PTPRT: variants seen among roughly 807,000 people sequenced by gnomAD.
PTPRT encodes receptor-type tyrosine-protein phosphatase T.
PTPRT carries 56 observed loss-of-function variants against 176.8 expected under a neutral mutation model. The ratio of observed to expected loss-of-function variants is 0.32; its 90% CI spans 0.26 to 0.40. The LOEUF is 0.40. PTPRT is among the 10% of genes least tolerant of loss of function. PTPRT has a pLI of 1.00. For missense variants in PTPRT, 1,540 were observed against 1,908.2 expected, an observed-to-expected ratio of 0.81 and a Z score of 3.60; for synonymous variants, 783 against 739.0, an observed-to-expected ratio of 1.06 and a Z score of -0.96.
At chr20:42,881,933 A>G (rs529019273) in intron 2 of PTPRT, among the ~76,000 whole-genome samples, 46 of 152,216 alleles carry the variant, frequency 3.0e-4, no homozygotes, top group African/African-American at 1.1e-3. Context: ...GGGCCCAAAG[A>G]AGACATTGGA....
At chr20:43,051,827 T>G (rs1235631654) in intron 1 of PTPRT, among the ~76,000 whole-genome samples, 1 of 152,072 alleles carries the variant, frequency 6.6e-6, no homozygotes, top group Non-Finnish European at 1.5e-5. Flanking sequence ...GCGAGGTAGA[T>G]AAGTAAAATC....
intron 6 of PTPRT, among the ~76,000 whole-genome samples, chr20:42,720,790 A>G (rs1428805614): frequency 6.6e-6 from 1 of 152,192 alleles, no homozygotes; most frequent in Non-Finnish European, 1.5e-5. Flanking sequence ...TTTTGTCAGA[A>G]TTGCTTGTCA....
chr20:43,028,004 A>G (rs1392784554), intron 1 of PTPRT, among the ~76,000 whole-genome samples: 1 of 152,012 alleles, frequency 6.6e-6, no homozygotes, highest in African/African-American at 2.4e-5. Flanking sequence ...GAAGCGAAAG[A>G]CCCTTCCCTG....
At chr20:42,664,106 T>C (rs944116044) in intron 7 of PTPRT, among the ~76,000 whole-genome samples, 1 of 152,236 alleles carries the variant, frequency 6.6e-6, no homozygotes, top group East Asian at 1.9e-4. Flanking sequence ...TATAGGTAGG[T>C]AATATGATAG....
At chr20:43,087,158 A>G (rs893333014) in intron 1 of PTPRT, among the ~76,000 whole-genome samples, 3 of 152,008 alleles carry the variant, frequency 2.0e-5, no homozygotes, top group African/African-American at 4.8e-5. Flanking sequence ...TTCTGTCTCT[A>G]TAGTTTTTTC....
intron 2 of PTPRT, among the ~76,000 whole-genome samples, chr20:42,869,791 T>C (rs1287727093): frequency 1.3e-5 from 2 of 152,210 alleles, no homozygotes; most frequent in Non-Finnish European, 2.9e-5. Context: ...TAAGTGCAGG[T>C]GTACCTGCAA....
intron 7 of PTPRT, among the ~76,000 whole-genome samples, chr20:42,519,673 T>A (rs192802190): frequency 4.3e-4 from 66 of 152,264 alleles, no homozygotes; most frequent in Middle Eastern, 3.4e-3. Flanking sequence ...ATGTTTTGAA[T>A]TAATTGAGTC....
intron 1 of PTPRT, among the ~76,000 whole-genome samples, chr20:43,011,284 G>A (rs1985108353): frequency 1.3e-5 from 2 of 152,142 alleles, no homozygotes; most frequent in Non-Finnish European, 2.9e-5. Context: ...AGTCTGTCCT[G>A]TCTCCTGAAT....
chr20:42,868,619 G>A (rs1178631959), intron 2 of PTPRT, among the ~76,000 whole-genome samples: 2 of 152,166 alleles, frequency 1.3e-5, no homozygotes, highest in Admixed American at 6.5e-5. Context: ...GGTATATTAT[G>A]GAGAGAATAC....
chr20:42,864,343 G>A (rs1009969034), intron 2 of PTPRT, among the ~76,000 whole-genome samples: 1 of 152,174 alleles, frequency 6.6e-6, no homozygotes, highest in Non-Finnish European at 1.5e-5. Flanking sequence ...GAGAGGAGGG[G>A]AGAGGGGAGA....
intron 29 of PTPRT, among the ~76,000 whole-genome samples, chr20:42,082,506 C>G (rs116672847): frequency 0.017 from 2,629 of 152,316 alleles, 21 homozygotes; most frequent in African/African-American, 0.026. Context: ...ACTAGTTCTT[C>G]CCATCCTCCA....
intron 2 of PTPRT, among the ~76,000 whole-genome samples, chr20:42,855,941 C>T (rs1349535519): frequency 6.6e-6 from 1 of 152,028 alleles, no homozygotes; most frequent in Non-Finnish European, 1.5e-5. Flanking sequence ...AGGCAGAAAC[C>T]AGTTATCTCA....
chr20:42,038,653 AAGG>A, the PTPRT span, among the ~76,000 whole-genome samples: 1 of 152,152 alleles, frequency 6.6e-6, no homozygotes, highest in African/African-American at 2.4e-5. Context: ...CCACCCTTAA[AAGG>A]AGAGTAAGAA....
intron 18 of PTPRT, among the ~76,000 whole-genome samples, chr20:42,138,420 C>T (rs1406388968): frequency 6.6e-6 from 1 of 152,220 alleles, no homozygotes; most frequent in African/African-American, 2.4e-5. Flanking sequence ...GGTAACCCCT[C>T]CTACGGAATC....
chr20:42,320,171 G>A, intron 11 of PTPRT, among the ~76,000 whole-genome samples: 1 of 152,136 alleles, frequency 6.6e-6, no homozygotes, highest in East Asian at 1.9e-4. Flanking sequence ...CTTCTGTAAG[G>A]TCAAGGAGAG....
the PTPRT span, among the ~76,000 whole-genome samples, chr20:42,062,825 T>C: frequency 2.6e-5 from 4 of 152,228 alleles, no homozygotes; most frequent in Non-Finnish European, 5.9e-5. Flanking sequence ...CTCCTTGTCC[T>C]GCTTCAAAAA....
intron 16 of PTPRT, among the ~76,000 whole-genome samples, chr20:42,180,758 T>C (rs1990482895): frequency 6.6e-6 from 1 of 152,210 alleles, no homozygotes; most frequent in Non-Finnish European, 1.5e-5. Context: ...AACAAGAGCC[T>C]ATATCCTCTG....
Position 42,472,333 on chromosome 20 carries a change from T to A in PTPRT, c.1383A>T (p.Arg461=). Reference sequence around the variant, plus strand: ...GGCCCTCGGGGTTAGACAGCAAGAGTCGCAGCCGGATGGTCATGAAGGGGC... The same window carrying A: ...GGCCCTCGGGGTTAGACAGCAAGAGACGCAGCCGGATGGTCATGAAGGGGC... The part of the protein sequence containing the change: ...GLRPFMTIRL[R]LLLSNPEGRM... Residue 461 remains arginine, a synonymous_variant, in exon 8 of 31, where the codon CGA becomes CGT. Coordinates refer to ENST00000373187, the MANE Select transcript of PTPRT (RefSeq NM_007050.6). The A allele has an allele frequency of 6.2e-7, 1 of 1,613,356 alleles. No individual in the cohort carries two copies. Among genetic ancestry groups the A allele is most frequent in the Non-Finnish European group, 8.5e-7 (1 of 1,179,894 alleles).
At chr20:42,972,390 G>A (rs1407568150) in intron 1 of PTPRT, among the ~76,000 whole-genome samples, 1 of 151,664 alleles carries the variant, frequency 6.6e-6, no homozygotes, top group Non-Finnish European at 1.5e-5. Context: ...AGCTGGGTGT[G>A]GTGGCTCATG....
Sources: gnomAD v4.1 joint callset for allele counts (sites outside exome capture counted in the v4.1 genomes callset) on GRCh38, gnomAD v4.1.1 for gene constraint, MANE v1.5 for transcripts, NCBI Gene and HGNC (gene_info 2026-07-23, HGNC 2026-07-21) for gene names.